NEGR1: variants seen among roughly 807,000 people sequenced by gnomAD.
NEGR1 encodes the protein IgLON family member 4.
NEGR1 carries 10 observed loss-of-function variants against 40.9 expected under a neutral mutation model. The ratio of observed to expected loss-of-function variants is 0.24; its 90% CI spans 0.15 to 0.42. The LOEUF (loss-of-function observed/expected upper bound fraction) is 0.42, where lower values mean the gene tolerates loss of function less well. Among genes scored for constraint, NEGR1 ranks in the 10% least tolerant of loss-of-function variants. NEGR1 has a pLI of 1.00. For missense variants in NEGR1, 352 were observed against 438.9 expected (o/e 0.80, Z 1.77); for synonymous variants, 185 against 166.8 (o/e 1.11, Z -0.84).
At chr1:71,569,093 T>A (rs1410189758) in intron 6 of NEGR1, among the ~76,000 whole-genome samples, 1 of 151,972 alleles carries the variant, frequency 6.6e-6, no homozygotes, top group Non-Finnish European at 1.5e-5. Flanking sequence ...ATTTTTTGTA[T>A]TTTTAGTAGA....
intron 1 of NEGR1, among the ~76,000 whole-genome samples, chr1:72,070,914 T>C (rs565205161): frequency 6.6e-6 from 1 of 152,236 alleles, no homozygotes; most frequent in East Asian, 1.9e-4. Flanking sequence ...ACCTTTAGAA[T>C]GTTTTTTTCA....
intron 1 of NEGR1, among the ~76,000 whole-genome samples, chr1:72,151,598 T>C (rs1651125907): frequency 6.6e-6 from 1 of 151,764 alleles, no homozygotes; most frequent in Admixed American, 6.6e-5. Context: ...ACTCTCATTA[T>C]TACTATGCAA....
At chr1:71,741,180 T>C (rs772510066) in intron 3 of NEGR1, among the ~76,000 whole-genome samples, 5 of 152,290 alleles carry the variant, frequency 3.3e-5, no homozygotes, top group Non-Finnish European at 7.4e-5. Context: ...CTGTTAATTC[T>C]CCATTTGGTC....
At position 71,457,524 on chromosome 1, in the gene NEGR1, CAA is replaced by C. The variant is rs569082776; in HGVS notation, c.941-49956_941-49955del. 5.5e-4 allele frequency among the ~76,000 whole-genome samples: 84 copies of C among 152,262 alleles called. No homozygotes were observed. In the South Asian group the frequency reaches 6.2e-3, roughly 11 times the overall value. ...GCAAGGTCCTAGGAAAAAGAGGAAACAAGAGAGACAGCATCTCTGTTCTTATA... is the reference window on the plus strand; with the variant it reads ...GCAAGGTCCTAGGAAAAAGAGGAAACGAGAGACAGCATCTCTGTTCTTATA... On this transcript the variant is annotated intron_variant, in intron 6 of 6. Coordinates refer to ENST00000357731, the MANE Select transcript of NEGR1 (RefSeq NM_173808.3).
chr1:72,164,935 A>G (rs971896552), intron 1 of NEGR1, among the ~76,000 whole-genome samples: 19 of 152,098 alleles, frequency 1.2e-4, no homozygotes, highest in African/African-American at 4.6e-4. Flanking sequence ...TTTGCTTTCA[A>G]GTCTTACAAA....
chr1:72,229,436 AAAT>A (rs1049226097), intron 1 of NEGR1, among the ~76,000 whole-genome samples: 9 of 148,780 alleles, frequency 6.0e-5, no homozygotes, highest in Non-Finnish European at 7.4e-5. Context: ...TTAAATTTTT[AAAT>A]AATAATTATA....
At chr1:71,825,297 T>C (rs1398847809) in intron 2 of NEGR1, among the ~76,000 whole-genome samples, 3 of 151,968 alleles carry the variant, frequency 2.0e-5, no homozygotes, top group African/African-American at 7.2e-5. Flanking sequence ...GGTTTAAATC[T>C]CCTTCAGAAA....
chr1:71,949,380 G>A (rs1445971206), intron 1 of NEGR1, among the ~76,000 whole-genome samples: 1 of 152,048 alleles, frequency 6.6e-6, no homozygotes, highest in East Asian at 1.9e-4. Context: ...GCACTGTTCA[G>A]TCACTCATTT....
At chr1:72,176,453 T>C (rs781276855) in intron 1 of NEGR1, among the ~76,000 whole-genome samples, 1 of 152,090 alleles carries the variant, frequency 6.6e-6, no homozygotes, top group Non-Finnish European at 1.5e-5. Context: ...ATAATTAAAA[T>C]GCAAGGTAGT....
chr1:72,229,450 T>A (rs962863028), intron 1 of NEGR1, among the ~76,000 whole-genome samples: 3 of 148,954 alleles, frequency 2.0e-5, no homozygotes, highest in Non-Finnish European at 3.0e-5. Context: ...AATAATTATA[T>A]AATAAAATTC....
At chr1:71,900,807 A>G (rs1661123512) in intron 2 of NEGR1, among the ~76,000 whole-genome samples, 1 of 152,172 alleles carries the variant, frequency 6.6e-6, no homozygotes, top group African/African-American at 2.4e-5. Flanking sequence ...TTTAATTAAT[A>G]TTAATTTGAT....
chr1:71,886,972 C>A (rs185882657), intron 2 of NEGR1, among the ~76,000 whole-genome samples: 1 of 152,288 alleles, frequency 6.6e-6, no homozygotes, highest in Non-Finnish European at 1.5e-5. Context: ...GTTGAAAATT[C>A]ATTTATAACT....
chr1:71,502,909 C>A (rs986789123), intron 6 of NEGR1, among the ~76,000 whole-genome samples: 1 of 152,070 alleles, frequency 6.6e-6, no homozygotes, highest in African/African-American at 2.4e-5. Flanking sequence ...ACAGAGGCAG[C>A]GATTCTTGGG....
chr1:71,874,193 T>C (rs552462089), intron 2 of NEGR1, among the ~76,000 whole-genome samples: 2 of 152,150 alleles, frequency 1.3e-5, no homozygotes, highest in Non-Finnish European at 1.5e-5. Context: ...CATTCCACTC[T>C]TGCTTATGAA....
At chr1:72,090,023 G>A (rs1176001597) in intron 1 of NEGR1, among the ~76,000 whole-genome samples, 3 of 152,066 alleles carry the variant, frequency 2.0e-5, no homozygotes, top group African/African-American at 4.8e-5. Context: ...ACAGCTTGTT[G>A]TTAGATTTTA....
intron 2 of NEGR1, chr1:71,794,323 C>G (rs1017432831): frequency 6.6e-6 from 1 of 152,038 alleles, no homozygotes; most frequent in Non-Finnish European, 1.5e-5. Context: ...CAAGAACAAT[C>G]CTAACTAAGA....
intron 4 of NEGR1, among the ~76,000 whole-genome samples, chr1:71,635,843 T>C (rs1282365219): frequency 6.6e-6 from 1 of 152,022 alleles, no homozygotes; most frequent in Non-Finnish European, 1.5e-5. Context: ...GATTTTGAGA[T>C]ATCGTGTCCT....
At chr1:71,677,656 T>C (rs1263200633) in intron 4 of NEGR1, among the ~76,000 whole-genome samples, 1 of 152,168 alleles carries the variant, frequency 6.6e-6, no homozygotes, top group Non-Finnish European at 1.5e-5. Context: ...TAAATTAAAA[T>C]AAAAGCCTGT....
chr1:71,937,581 C>T (rs1223816112), intron 1 of NEGR1, among the ~76,000 whole-genome samples: 2 of 152,148 alleles, frequency 1.3e-5, no homozygotes, highest in Admixed American at 6.6e-5. Flanking sequence ...TGGCCTAAGC[C>T]ACGATATTAG....
Sources: gnomAD v4.1 joint callset for allele counts (sites outside exome capture counted in the v4.1 genomes callset) on GRCh38, gnomAD v4.1.1 for gene constraint, MANE v1.5 for transcripts, NCBI Gene and HGNC (gene_info 2026-07-23, HGNC 2026-07-21) for gene names.